RBFOX3: variants seen among roughly 807,000 people sequenced by gnomAD.
RBFOX3 encodes the protein RNA binding protein fox-1 homolog 3.
Under a neutral mutation model 48.7 loss-of-function variants are expected in RBFOX3, and 17 were observed. The ratio of observed to expected loss-of-function variants is 0.35; its 90% CI spans 0.24 to 0.52. The LOEUF is 0.52. Among genes scored for constraint, RBFOX3 ranks in the 20% least tolerant of loss-of-function variants. RBFOX3 has a pLI of 0.94. For missense variants in RBFOX3, 382 were observed against 497.5 expected (o/e 0.77, Z 2.21); for synonymous variants, 212 against 209.5 (o/e 1.01, Z -0.10).
intron 2 of RBFOX3, among the ~76,000 whole-genome samples, chr17:79,468,136 G>T (rs965382813): frequency 6.6e-6 from 1 of 152,152 alleles, no homozygotes; most frequent in African/African-American, 2.4e-5. Context: ...TTGACCATTT[G>T]CCCTTCCCAC....
intron 4 of RBFOX3, among the ~76,000 whole-genome samples, chr17:79,224,918 T>C (rs2060140464): frequency 1.3e-5 from 2 of 152,226 alleles, no homozygotes; most frequent in South Asian, 4.1e-4. Flanking sequence ...AGGAAAACTA[T>C]TAGTTATTCC....
rs2064499470 is a variant in RBFOX3 at position 79,254,751 on chromosome 17, A to G, written c.-73-18946T>C. On this transcript the variant is annotated intron_variant, in intron 3 of 14. Coordinates refer to ENST00000693108, the MANE Select transcript of RBFOX3 (RefSeq NM_001350451.2). This position sits in a 1 kb window ranked among gnomAD's most constrained non-coding sequence, Gnocchi z 4.8. ...GCCTGAGTGGGTGCCTTACCTGGAC[A>G]GTATCCAGGTGGACAGGTGCCTTAT... 6.6e-6 allele frequency among the ~76,000 whole-genome samples: 1 copy of G among 152,198 alleles called. No homozygotes were observed. Among genetic ancestry groups the G allele is most frequent in the Non-Finnish European group, 1.5e-5 (1 of 68,038 alleles).
chr17:79,102,823 T>C (rs1169997350), intron 8 of RBFOX3, among the ~76,000 whole-genome samples: 1 of 152,198 alleles, frequency 6.6e-6, no homozygotes, highest in Non-Finnish European at 1.5e-5. Flanking sequence ...AATGGCTCCT[T>C]GGCCGGGTGG....
At chr17:79,532,420 G>T (rs2087938976) in intron 1 of RBFOX3, among the ~76,000 whole-genome samples, 1 of 152,214 alleles carries the variant, frequency 6.6e-6, no homozygotes, top group Non-Finnish European at 1.5e-5. Flanking sequence ...GAGGAACCAG[G>T]TTGCATGCAG....
chr17:79,121,904 TC>T (rs941795208), intron 4 of RBFOX3, among the ~76,000 whole-genome samples: 30 of 152,236 alleles, frequency 2.0e-4, no homozygotes, highest in African/African-American at 7.2e-4. Context: ...CCTGGACTTC[TC>T]CCCAGAATCC....
intron 2 of RBFOX3, among the ~76,000 whole-genome samples, chr17:79,376,707 G>A (rs2059265189): frequency 6.6e-6 from 1 of 152,184 alleles, no homozygotes; most frequent in Non-Finnish European, 1.5e-5. Context: ...GCAGATTCCA[G>A]GTCCAGTGAC....
In RBFOX3 at chr17:79,243,089, A is replaced by AG. The variant is rs35070849; in HGVS notation, c.-73-7285dup. On this transcript the variant is annotated intron_variant, in intron 3 of 14. Coordinates refer to ENST00000693108, the MANE Select transcript of RBFOX3 (RefSeq NM_001350451.2). The surrounding 1 kb of genome is among the most constrained non-coding windows in gnomAD (Gnocchi z 7.9). The stretch of plus-strand genomic sequence containing the variant: ...GTCATTTCAGCTTTACAACCACCCT[A>AG]GGGGGCAGGTACTATGATCACTTCC... Among the ~76,000 whole-genome samples the AG allele has an allele frequency of 3.9e-5, 6 of 152,096 alleles. No individual in the cohort carries two copies. Among genetic ancestry groups the AG allele is most frequent in the Admixed American group, 3.3e-4 (5 of 15,268 alleles).
At chr17:79,642,086 A>G in the RBFOX3 span, among the ~76,000 whole-genome samples, 1 of 152,172 alleles carries the variant, frequency 6.6e-6, no homozygotes, top group Non-Finnish European at 1.5e-5. Context: ...GTACAAGGAC[A>G]TTATGTTAAG....
chr17:79,475,694 G>GCA (rs771984633), intron 2 of RBFOX3, among the ~76,000 whole-genome samples: 1 of 152,032 alleles, frequency 6.6e-6, no homozygotes, highest in Non-Finnish European at 1.5e-5. Flanking sequence ...ACACACAAAT[G>GCA]CACACACACA....
rs539075706 is a variant in RBFOX3, at chr17:79,328,736, G to A, written c.-174-20912C>T. ...GAAGGGGGAGTATCTCTCTCCACCCGGAGACATTTGGCTTCACCTGTGAAA... is the reference window on the plus strand; with the variant it reads ...GAAGGGGGAGTATCTCTCTCCACCCAGAGACATTTGGCTTCACCTGTGAAA... On this transcript the variant is annotated intron_variant, in intron 2 of 14. Transcript: ENST00000693108. Among the ~76,000 whole-genome samples the A allele has an allele frequency of 3.3e-5, 5 of 152,296 alleles. No homozygotes were observed. The South Asian group carries it at 6.2e-4, about 19-fold the overall frequency.
chr17:79,263,166 C>A (rs1193076882), intron 3 of RBFOX3, among the ~76,000 whole-genome samples: 1 of 152,180 alleles, frequency 6.6e-6, no homozygotes, highest in Non-Finnish European at 1.5e-5. Flanking sequence ...CTGGGGTACC[C>A]CCCCGGCTGT....
chr17:79,506,576 C>A (rs1349867183), intron 1 of RBFOX3, among the ~76,000 whole-genome samples: 4 of 152,204 alleles, frequency 2.6e-5, no homozygotes, highest in South Asian at 2.1e-4. Context: ...GCCTCTCAGG[C>A]CATGACCGGG....
At chr17:79,112,979 C>T (rs939629489) in intron 5 of RBFOX3, among the ~76,000 whole-genome samples, 11 of 149,622 alleles carry the variant, frequency 7.4e-5, no homozygotes, top group African/African-American at 2.5e-4. Flanking sequence ...TGGCTGCACA[C>T]GGGCCCTCGA....
At chr17:79,495,884 C>A (rs1317875992) in intron 1 of RBFOX3, among the ~76,000 whole-genome samples, 2 of 151,630 alleles carry the variant, frequency 1.3e-5, no homozygotes, top group African/African-American at 2.4e-5. Flanking sequence ...GGGCAGGGAC[C>A]CTGCAGGCCG....
intron 1 of RBFOX3, among the ~76,000 whole-genome samples, chr17:79,522,576 A>G (rs1200206182): frequency 6.6e-6 from 1 of 152,038 alleles, no homozygotes; most frequent in East Asian, 1.9e-4. Flanking sequence ...CGACACACAC[A>G]CCACCTCTCC....
Position 79,477,443 on chromosome 17 carries a change from C to T in RBFOX3, c.-175+5011G>A, listed in dbSNP as rs1279845996. Among the ~76,000 whole-genome samples, 2 of 150,286 alleles carry T rather than the reference C, an allele frequency of 1.3e-5. No individual in the cohort carries two copies. Among genetic ancestry groups the T allele is most frequent in the East Asian group, 2.0e-4 (1 of 5,016 alleles). On this transcript the variant is annotated intron_variant, in intron 2 of 14. Transcript: ENST00000693108. This position sits in a 1 kb window ranked among gnomAD's most constrained non-coding sequence, Gnocchi z 4.8. ...TGGTGGCGGGCGCCTGTAGTCCCAG[C>T]TACTTGGGAGGCTGAGGCAGGAGAA...
chr17:79,305,625 C>A (rs1173052975), intron 3 of RBFOX3, among the ~76,000 whole-genome samples: 2 of 152,194 alleles, frequency 1.3e-5, no homozygotes, highest in Non-Finnish European at 2.9e-5. Context: ...CTTTCTGCCT[C>A]TCCTTTGGCC....
intron 4 of RBFOX3, among the ~76,000 whole-genome samples, chr17:79,157,408 C>T (rs754015733): frequency 1.7e-4 from 26 of 152,198 alleles, no homozygotes; most frequent in Non-Finnish European, 3.7e-4. Context: ...CCCCGTAAGG[C>T]CCCGGAATCT....
chr17:79,323,599 C>G (rs945530777), intron 2 of RBFOX3, among the ~76,000 whole-genome samples: 1 of 152,230 alleles, frequency 6.6e-6, no homozygotes, highest in African/African-American at 2.4e-5. Flanking sequence ...ACCTGCCCAC[C>G]CAGCTGGACC....
Sources: allele counts gnomAD v4.1 joint callset (sites outside exome capture counted in the v4.1 genomes callset), GRCh38; gene constraint gnomAD v4.1.1; non-coding constraint Gnocchi (gnomAD v3.1); transcripts MANE v1.5; gene names NCBI Gene and HGNC (gene_info 2026-07-23, HGNC 2026-07-21).